RTN1: variants seen among roughly 807,000 people sequenced by gnomAD.
RTN1 encodes the protein reticulon-1.
Under a neutral mutation model 65.5 loss-of-function variants are expected in RTN1, and 25 were observed. The observed-to-expected ratio is 0.38, with a 90% CI of 0.28 to 0.53. The LOEUF is 0.53. RTN1 is among the 20% of genes least tolerant of loss of function. The probability of loss-of-function intolerance (pLI) is 0.79; values close to 1 mark genes in which losing one functional copy is unlikely to be tolerated. For missense variants in RTN1, 983 were observed against 1,025.4 expected (o/e 0.96, Z 0.57); for synonymous variants, 471 against 447.6 (o/e 1.05, Z -0.66).
intron 1 of RTN1, among the ~76,000 whole-genome samples, chr14:59,856,826 G>A (rs1257852520): frequency 1.3e-5 from 2 of 152,132 alleles, no homozygotes; most frequent in African/African-American, 2.4e-5. Context: ...CCTATTAATA[G>A]TACCTTATAG....
chr14:59,789,889 T>A (rs1054779118), intron 1 of RTN1, among the ~76,000 whole-genome samples: 4 of 151,996 alleles, frequency 2.6e-5, no homozygotes, highest in Non-Finnish European at 4.4e-5. Flanking sequence ...TGTCAAGAAA[T>A]AAAGCAAGTT....
At chr14:59,747,747 T>G (rs1435669414) in intron 1 of RTN1, among the ~76,000 whole-genome samples, 3 of 152,202 alleles carry the variant, frequency 2.0e-5, no homozygotes, top group Non-Finnish European at 4.4e-5. Flanking sequence ...AGTGGGATTT[T>G]TAATCTAATT....
chr14:59,766,540 T>G lies in RTN1; in HGVS notation c.242-20059A>C, dbSNP rs1231126530. Among the ~76,000 whole-genome samples the G allele has an allele frequency of 6.6e-6, 1 of 152,154 alleles. No individual in the cohort carries two copies. ...GTTCAAATAGAGCTATCCAGTTACC[T>G]CCTAGCTTCTGGTTGTTTATCAGAT... On this transcript the variant is annotated intron_variant, in intron 1 of 8. Coordinates refer to ENST00000267484, the MANE Select transcript of RTN1 (RefSeq NM_021136.3). This position sits in a 1 kb window ranked among gnomAD's most constrained non-coding sequence, Gnocchi z 4.4.
chr14:59,771,287 A>T lies in RTN1; in HGVS notation c.242-24806T>A, dbSNP rs1026764238. 5.3e-5 allele frequency among the ~76,000 whole-genome samples: 8 copies of T among 152,224 alleles called. No homozygotes were observed. In the East Asian group the frequency reaches 1.5e-3, roughly 29 times the overall value. Reference sequence around the variant, plus strand: ...GAATCAAATGAAATCTCAGGCCTCAACAGGGGTCATCAGCTGACTTCTAAC... The same window carrying T: ...GAATCAAATGAAATCTCAGGCCTCATCAGGGGTCATCAGCTGACTTCTAAC... On this transcript the variant is annotated intron_variant, in intron 1 of 8. Transcript: ENST00000267484.
intron 1 of RTN1, among the ~76,000 whole-genome samples, chr14:59,763,689 C>T (rs183221832): frequency 1.3e-5 from 2 of 152,016 alleles, no homozygotes; most frequent in East Asian, 1.9e-4. Flanking sequence ...CCTCCCACGA[C>T]GCCCGGCTAA....
At chr14:59,676,393 T>A (rs764248747) in intron 3 of RTN1, among the ~76,000 whole-genome samples, 3 of 152,244 alleles carry the variant, frequency 2.0e-5, no homozygotes, top group Non-Finnish European at 4.4e-5. Flanking sequence ...CATCATCATT[T>A]GTAACTGCAG....
At chr14:59,867,064 G>A (rs934064188) in intron 1 of RTN1, among the ~76,000 whole-genome samples, 2 of 152,136 alleles carry the variant, frequency 1.3e-5, no homozygotes, top group African/African-American at 2.4e-5. Context: ...GATTTTTCCT[G>A]ACCATTCTCC....
intron 3 of RTN1, among the ~76,000 whole-genome samples, chr14:59,608,916 A>T (rs1881853296): frequency 6.8e-6 from 1 of 146,224 alleles, no homozygotes; most frequent in African/African-American, 2.7e-5. Flanking sequence ...AATAAAAAAT[A>T]AAAAAAAAGT....
At chr14:59,737,482 A>G (rs1885024289) in intron 2 of RTN1, among the ~76,000 whole-genome samples, 1 of 152,190 alleles carries the variant, frequency 6.6e-6, no homozygotes, top group Non-Finnish European at 1.5e-5. Context: ...TTCAAGGGGA[A>G]CTACAAACAA....
Position 59,790,596 on chromosome 14 carries a change from T to C in RTN1, c.242-44115A>G, listed in dbSNP as rs971255456. On this transcript the variant is annotated intron_variant, in intron 1 of 8. Transcript: ENST00000267484. This position sits in a 1 kb window ranked among gnomAD's most constrained non-coding sequence, Gnocchi z 4.1. ...AGAATTCATTCTCTGGCGTCAAAGC[T>C]TAACCAGAGAATATATGTCTTGGCA... Among the ~76,000 whole-genome samples the C allele has an allele frequency of 6.6e-6, 1 of 152,188 alleles. No homozygotes were observed. Among genetic ancestry groups the C allele is most frequent in the Non-Finnish European group, 1.5e-5 (1 of 68,028 alleles).
chr14:59,749,266 CTA>C (rs796334225), intron 1 of RTN1, among the ~76,000 whole-genome samples: 1,098 of 19,756 alleles, frequency 0.056, 184 homozygotes, highest in African/African-American at 0.084. Context: ...CTATATATAT[CTA>C]TATATATATC....
chr14:59,733,585 A>G (rs958018390), intron 2 of RTN1, among the ~76,000 whole-genome samples: 11 of 152,136 alleles, frequency 7.2e-5, no homozygotes, highest in African/African-American at 2.4e-4. Context: ...GGAGAGTCCA[A>G]GCTGACAGGA....
intron 1 of RTN1, among the ~76,000 whole-genome samples, chr14:59,830,292 G>C (rs1270006385): frequency 6.6e-6 from 1 of 152,200 alleles, no homozygotes; most frequent in African/African-American, 2.4e-5. Flanking sequence ...GATGTTTTGT[G>C]CTGACTCTTC....
intron 2 of RTN1, among the ~76,000 whole-genome samples, chr14:59,744,746 C>G (rs1220045187): frequency 1.3e-5 from 2 of 152,140 alleles, no homozygotes; most frequent in Middle Eastern, 3.2e-3. Context: ...CAGAAGTCCA[C>G]CTTTTCCTTC....
At chr14:59,757,368 C>A (rs1885660792) in intron 1 of RTN1, among the ~76,000 whole-genome samples, 1 of 152,132 alleles carries the variant, frequency 6.6e-6, no homozygotes, top group South Asian at 2.1e-4. Flanking sequence ...GAATACGTTT[C>A]ATGAGATCTG....
intron 3 of RTN1, among the ~76,000 whole-genome samples, chr14:59,644,399 AC>A (rs894755092): frequency 6.6e-5 from 10 of 151,942 alleles, no homozygotes; most frequent in African/African-American, 1.9e-4. Flanking sequence ...TCTCTTTACA[AC>A]CCTCAGGTCA....
intron 3 of RTN1, among the ~76,000 whole-genome samples, chr14:59,679,515 A>C (rs1256083130): frequency 6.6e-6 from 1 of 152,202 alleles, no homozygotes; most frequent in Non-Finnish European, 1.5e-5. Flanking sequence ...TTATAGTACT[A>C]GTCATAGGTA....
chr14:59,850,299 T>C (rs1887481714), intron 1 of RTN1, among the ~76,000 whole-genome samples: 3 of 152,220 alleles, frequency 2.0e-5, no homozygotes. Flanking sequence ...GCCTCATCTA[T>C]CTGAAATATG....
intron 3 of RTN1, among the ~76,000 whole-genome samples, chr14:59,710,390 C>T (rs1229494087): frequency 6.6e-6 from 1 of 152,226 alleles, no homozygotes. Context: ...GAGTCTGCAG[C>T]ATTCCAAGCT....
Sources: allele counts gnomAD v4.1 joint callset (sites outside exome capture counted in the v4.1 genomes callset), GRCh38; gene constraint gnomAD v4.1.1; non-coding constraint Gnocchi (gnomAD v3.1); transcripts MANE v1.5; gene names NCBI Gene and HGNC (gene_info 2026-07-23, HGNC 2026-07-21).